DRC3: variants seen among roughly 807,000 people sequenced by gnomAD.
The protein encoded by DRC3 is dynein regulatory complex subunit 3, also known as leucine rich repeat containing 48.
DRC3 carries 45 observed loss-of-function variants against 57.6 expected under a neutral mutation model. That is an observed-to-expected ratio of 0.78 (90% CI 0.62 to 1.00). The LOEUF (loss-of-function observed/expected upper bound fraction) is 1.00, where lower values mean the gene tolerates loss of function less well. Ranked by LOEUF, DRC3 falls within the 50% of genes least tolerant of loss-of-function variation. The probability of loss-of-function intolerance (pLI) is 0.00; values close to 1 mark genes in which losing one functional copy is unlikely to be tolerated. For missense variants in DRC3, 655 were observed against 675.2 expected (o/e 0.97, Z 0.33); for synonymous variants, 257 against 272.3 (o/e 0.94, Z 0.55).
At chr17:17,983,361 C>T (rs2042803227) in intron 3 of DRC3, among the ~76,000 whole-genome samples, 1 of 152,164 alleles carries the variant, frequency 6.6e-6, no homozygotes, top group Admixed American at 6.5e-5. Flanking sequence ...AAAACATTGC[C>T]AAACAGTGCT....
intron 8 of DRC3, among the ~76,000 whole-genome samples, chr17:17,996,306 G>A (rs1400366499): frequency 2.0e-5 from 3 of 152,194 alleles, no homozygotes; most frequent in Non-Finnish European, 2.9e-5. Flanking sequence ...GTGAGCCACC[G>A]TGCCCAGCCA....
rs575177682 is a variant in DRC3, at chr17:18,006,740, G to A, written c.1203-284G>A. 46 of 417,532 alleles carry A rather than the reference G, an allele frequency of 1.1e-4. No homozygotes were observed. The Middle Eastern group carries it at 2.2e-3, about 20-fold the overall frequency. 25.9% of individuals were successfully genotyped at this position (417,532 alleles called of 1,614,324 possible). A position where few individuals can be genotyped will look rare whatever the true frequency, so the allele number is the denominator to read the frequency against. On this transcript the variant is annotated intron_variant, in intron 11 of 13. Coordinates refer to ENST00000399187, the MANE Select transcript of DRC3 (RefSeq NM_031294.4). ...AGACAAGTTGTAGAGGCAACAAGTG[G>A]TGCCAAATGCACAGGGTGAGAAGCA...
At chr17:17,976,404 G>A (rs1379982321) in intron 2 of DRC3, among the ~76,000 whole-genome samples, 4 of 152,226 alleles carry the variant, frequency 2.6e-5, no homozygotes, top group Admixed American at 6.5e-5. Context: ...TGGAGGCTGG[G>A]CACGGTGGCT....
Position 17,992,903 on chromosome 17 carries a change from G to T in DRC3, c.583G>T (p.Asp195Tyr). 6.2e-7 allele frequency: 1 copy of T among 1,613,890 alleles called. No individual in the cohort carries two copies. Among genetic ancestry groups the T allele is most frequent in the South Asian group, 1.1e-5 (1 of 91,052 alleles). Residue 195 changes from aspartate to tyrosine, a missense_variant, in exon 6 of 14, where the codon GAC (aspartate) becomes TAC (tyrosine). Asp to Tyr is a radical substitution (Grantham distance 160). Coordinates refer to ENST00000399187, the MANE Select transcript of DRC3 (RefSeq NM_031294.4). ...GTACCTGGACTACCGGCGCATTGAT[G>T]ACCACACAGCAAGTGTCTCCCTCTC... ...LMYLDYRRID[D>Y]HTKKLAEAKH...
At chr17:18,001,051 C>T (rs1029865309) in intron 9 of DRC3, among the ~76,000 whole-genome samples, 3 of 151,990 alleles carry the variant, frequency 2.0e-5, no homozygotes, top group African/African-American at 7.2e-5. Context: ...AGGAACACAA[C>T]ACCACACCTG....
At chr17:17,989,396 G>C (rs941556724) in intron 5 of DRC3, 2 of 152,402 alleles carry the variant, frequency 1.3e-5, no homozygotes, top group Admixed American at 1.3e-4. Context: ...ATTTGGGGCA[G>C]GTCTACATTT....
intron 2 of DRC3, among the ~76,000 whole-genome samples, chr17:17,976,372 G>A (rs79636838): frequency 0.063 from 9,570 of 152,118 alleles, 405 homozygotes; most frequent in Non-Finnish European, 0.087. Flanking sequence ...AATCCCTCTG[G>A]ACCATTAGCA....
At chr17:18,003,187 A>G (rs1369202303) in intron 9 of DRC3, among the ~76,000 whole-genome samples, 1 of 152,032 alleles carries the variant, frequency 6.6e-6, no homozygotes, top group Non-Finnish European at 1.5e-5. Flanking sequence ...CCCTCTGATG[A>G]TAAGAATGGC....
intron 6 of DRC3, 80 bp from the exon 7 acceptor site, chr17:17,994,219 G>T: frequency 6.6e-7 from 1 of 1,521,714 alleles, no homozygotes; most frequent in Non-Finnish European, 8.8e-7. Flanking sequence ...GGAGGCTGCA[G>T]CATGGCAGAG....
Position 17,977,807 on chromosome 17 carries a change from C to T in DRC3, c.160+49C>T, listed in dbSNP as rs1051865031. On this transcript the variant is annotated intron_variant, in intron 3 of 13. Coordinates refer to ENST00000399187, the MANE Select transcript of DRC3 (RefSeq NM_031294.4). The stretch of plus-strand genomic sequence containing the variant: ...GGTGGCCAGGGTGGGCCCTCCCTGG[C>T]TTTCTCTGCTCCATCTTCAAGCCCC... 2.6e-6 allele frequency: 4 copies of T among 1,515,272 alleles called. No homozygotes were observed. In the African/African-American group the frequency reaches 4.2e-5, roughly 16 times the overall value. The allele number at this position is 1,515,272 out of a possible 1,614,324, so 93.9% of individuals were successfully genotyped here.
intron 12 of DRC3, among the ~76,000 whole-genome samples, chr17:18,014,648 T>C (rs1243687305): frequency 6.6e-6 from 1 of 152,234 alleles, no homozygotes; most frequent in Non-Finnish European, 1.5e-5. Context: ...ATTCAAACTC[T>C]GAGGGGTATG....
intron 9 of DRC3, among the ~76,000 whole-genome samples, chr17:18,001,073 CTTTT>C (rs955406866): frequency 7.3e-5 from 11 of 151,276 alleles, no homozygotes; most frequent in African/African-American, 2.4e-4. Flanking sequence ...CTGTTTCTTT[CTTTT>C]TTTCTTTTTC....
intron 2 of DRC3, among the ~76,000 whole-genome samples, chr17:17,975,796 A>G (rs1298803509): frequency 1.3e-5 from 2 of 152,180 alleles, no homozygotes; most frequent in Admixed American, 6.5e-5. Flanking sequence ...GAGAAGGGGT[A>G]GGGGTTGAAG....
chr17:18,007,099 G>A lies in DRC3; in HGVS notation c.1278G>A (p.Lys426=), dbSNP rs2043985797. The change falls in exon 12 of 14, where the codon AAG becomes AAA. Residue 426 remains lysine (K), a synonymous_variant. Transcript: ENST00000399187. ...AGATCTCTATCAGCACCCTGGAGAAGATTGTCGAGGGCGACCTGGACGAGG... is the reference window on the plus strand; with the variant it reads ...AGATCTCTATCAGCACCCTGGAGAAAATTGTCGAGGGCGACCTGGACGAGG... The part of the protein sequence containing the change: ...LLEISISTLE[K]IVEGDLDEDL... 3 of 1,501,092 alleles carry A rather than the reference G, an allele frequency of 2.0e-6. No homozygotes were observed. The East Asian group carries it at 8.2e-5, about 41-fold the overall frequency. 93.0% of individuals were successfully genotyped at this position (1,501,092 alleles called of 1,614,324 possible).
chr17:17,980,901 G>T (rs1267454701), intron 3 of DRC3, among the ~76,000 whole-genome samples: 1 of 152,082 alleles, frequency 6.6e-6, no homozygotes, highest in Non-Finnish European at 1.5e-5. Flanking sequence ...CCACTAATTT[G>T]TATTTGTATT....
At chr17:17,996,947 G>C (rs1440602857) in intron 8 of DRC3, among the ~76,000 whole-genome samples, 1 of 152,142 alleles carries the variant, frequency 6.6e-6, no homozygotes, top group African/African-American at 2.4e-5. Flanking sequence ...GACTTGCCAG[G>C]GTGGGTCCTG....
intron 9 of DRC3, among the ~76,000 whole-genome samples, chr17:18,003,167 C>T (rs991789529): frequency 6.6e-6 from 1 of 151,944 alleles, no homozygotes; most frequent in African/African-American, 2.4e-5. Context: ...CCCCTTGGCC[C>T]GGACTCCCTC....
At chr17:18,000,635 G>T (rs1227922990) in intron 9 of DRC3, among the ~76,000 whole-genome samples, 3 of 151,970 alleles carry the variant, frequency 2.0e-5, no homozygotes, top group African/African-American at 4.8e-5. Flanking sequence ...CTGTGCATTG[G>T]TTTTTTTCAT....
intron 9 of DRC3, among the ~76,000 whole-genome samples, chr17:18,000,243 C>CGTGTGT (rs1464800544): frequency 1.8e-5 from 2 of 109,246 alleles, no homozygotes; most frequent in African/African-American, 4.1e-5. Context: ...TTTGCTTTCA[C>CGTGTGT]GTGAGTGTGT....
Sources: gnomAD v4.1 joint callset for allele counts (sites outside exome capture counted in the v4.1 genomes callset) on GRCh38, gnomAD v4.1.1 for gene constraint, MANE v1.5 for transcripts, NCBI Gene and HGNC (gene_info 2026-07-23, HGNC 2026-07-21) for gene names.